The following RPA1 variants were observed in gnomAD, a reference collection of about 807,000 sequenced individuals.
RPA1 encodes replication protein A1, also known as replication protein A 70 kDa DNA-binding subunit.
RPA1 carries 49 observed loss-of-function variants against 83.0 expected under a neutral mutation model. The ratio of observed to expected loss-of-function variants is 0.59; its 90% CI spans 0.47 to 0.75. The LOEUF is 0.75. Among genes scored for constraint, RPA1 ranks in the 30% least tolerant of loss-of-function variants. The pLI is 0.00. For synonymous variants in RPA1, 279 were observed against 281.8 expected (o/e 0.99, Z 0.10); for missense variants, 693 against 776.1 (o/e 0.89, Z 1.27).
intron 2 of RPA1, 60 bp from the exon 3 acceptor site, chr17:1,843,860 T>G (rs17338579): frequency 0.014 from 20,227 of 1,438,866 alleles, 252 homozygotes; most frequent in South Asian, 0.037. Context: ...CCACTTCGGT[T>G]TACGTATCCC....
intron 4 of RPA1, among the ~76,000 whole-genome samples, chr17:1,845,190 GTGTGTA>G (rs1157423344): frequency 1.8e-4 from 26 of 146,406 alleles, no homozygotes; most frequent in African/African-American, 5.7e-4. Flanking sequence ...GTGTGTGTGT[GTGTGTA>G]CAATCTTGAA....
chr17:1,860,038 C>T (rs1423627163), intron 5 of RPA1, among the ~76,000 whole-genome samples: 3 of 152,208 alleles, frequency 2.0e-5, no homozygotes, highest in African/African-American at 4.8e-5. Flanking sequence ...GTCTCCATCT[C>T]TTGACGTCAT....
At chr17:1,888,900 T>C in intron 14 of RPA1, 49 bp downstream of exon 14, 2 of 1,571,314 alleles carry the variant, frequency 1.3e-6, no homozygotes, top group Admixed American at 3.4e-5. Context: ...ACGGAGGCCC[T>C]CCCGTGTGCC....
rs17292552 is a variant in RPA1, at chr17:1,897,210, T to TAAAG, written c.*36_*37insAAGA. 4.0e-4 allele frequency: 583 copies of TAAAG among 1,459,632 alleles called. 3 individuals are homozygous for TAAAG. In the African/African-American group the frequency reaches 6.5e-3, roughly 16 times the overall value. The allele number at this position is 1,459,632 out of a possible 1,614,324, so 90.4% of individuals were successfully genotyped here. A position where few individuals can be genotyped will look rare whatever the true frequency, so the allele number is the denominator to read the frequency against. ...TGCCAATCGGGCAGAAGTTTGCAAA[T>TAAAG]AGGCAGAATGGAATCGATTTCCTCC... On this transcript the variant is annotated 3_prime_UTR_variant, in exon 17 of 17. Coordinates refer to ENST00000254719, the MANE Select transcript of RPA1 (RefSeq NM_002945.5).
chr17:1,879,093 G>C (rs373717208), intron 9 of RPA1, 32 bp downstream of exon 9: 3 of 1,613,042 alleles, frequency 1.9e-6, no homozygotes, highest in Non-Finnish European at 2.5e-6. Flanking sequence ...AACTGACACC[G>C]CCTGGGGGTG....
In RPA1 at chr17:1,830,005, C is replaced by A; in HGVS notation, c.-89C>A. 1 of 1,213,032 alleles carries A rather than the reference C, an allele frequency of 8.2e-7. No individual in the cohort carries two copies. 75.1% of individuals were successfully genotyped at this position (1,213,032 alleles called of 1,614,324 possible). Reference sequence around the variant, plus strand: ...GGGGCGGGAGCGGTGCGCGCAACTTCTCGGGCCAATAACTGCGCAGCGCGC... The same window carrying A: ...GGGGCGGGAGCGGTGCGCGCAACTTATCGGGCCAATAACTGCGCAGCGCGC... On this transcript the variant is annotated 5_prime_UTR_variant, in exon 1 of 17. Transcript: ENST00000254719.
Position 1,899,573 on chromosome 17 carries a change from T to C in RPA1, c.*2398T>C, listed in dbSNP as rs1914573430. 1 of 152,216 alleles carries C rather than the reference T, an allele frequency of 6.6e-6. No individual in the cohort carries two copies. The highest frequency in any genetic ancestry group is 2.4e-5 in the African/African-American group (1 of 41,440). The allele number at this position is 152,216 out of a possible 1,614,324, so 9.4% of individuals were successfully genotyped here. ...AATCTCTCGCGTGCTGTTCCTTTTT[T>C]GAACTGCAGGGTCAAAAATGTTCCC... On this transcript the variant is annotated 3_prime_UTR_variant, in exon 17 of 17. Coordinates refer to ENST00000254719, the MANE Select transcript of RPA1 (RefSeq NM_002945.5).
rs111555759 is a variant in RPA1, at chr17:1,885,770, A to G, written c.1374+1826A>G. Among the ~76,000 whole-genome samples the G allele has an allele frequency of 2.8e-3, 426 of 152,268 alleles. 2 individuals carry two copies. The highest frequency in any genetic ancestry group is 9.7e-3 in the African/African-American group (404 of 41,556). On this transcript the variant is annotated intron_variant, in intron 13 of 16. Transcript: ENST00000254719. ...TTCTTAATAGCATCTAGAATGGTGA[A>G]TCCTTTTCAGGTTTTCAATTTACTT...
chr17:1,857,997 T>C (rs1912777120), intron 5 of RPA1: 1 of 1,597,600 alleles, frequency 6.3e-7, no homozygotes, highest in Admixed American at 1.7e-5. Flanking sequence ...GATGGGTGAA[T>C]GTAATAATGT....
intron 13 of RPA1, among the ~76,000 whole-genome samples, chr17:1,885,781 G>A (rs145427331): frequency 3.2e-4 from 49 of 152,184 alleles, no homozygotes; most frequent in South Asian, 1.0e-3. Context: ...TCCTTTTCAG[G>A]TTTTCAATTT....
intron 1 of RPA1, among the ~76,000 whole-genome samples, chr17:1,837,259 A>G (rs374183539): frequency 9.2e-5 from 14 of 152,232 alleles, no homozygotes; most frequent in African/African-American, 3.4e-4. Flanking sequence ...ACAAGCCACC[A>G]CTGTGGACCA....
chr17:1,830,893 G>A (rs1403557364), intron 1 of RPA1, among the ~76,000 whole-genome samples: 1 of 151,796 alleles, frequency 6.6e-6, no homozygotes, highest in Non-Finnish European at 1.5e-5. Flanking sequence ...AGCCTCCCGA[G>A]TAGCTGGGAC....
At position 1,875,670 on chromosome 17, in the gene RPA1, T is replaced by C. The variant is rs752573944; in HGVS notation, c.464T>C (p.Val155Ala). 2.5e-6 allele frequency: 4 copies of C among 1,612,894 alleles called. No individual in the cohort carries two copies. Among genetic ancestry groups the C allele is most frequent in the Non-Finnish European group, 3.4e-6 (4 of 1,179,592 alleles). The part of the protein sequence containing the change: ...QNGSSGMGST[V>A]SKAYGASKTF... ...GCGTTTGTTTTTAAAGGTTCTACTG[T>C]TTCTAAGGCTTATGGTGCTTCAAAG... The change falls in exon 7 of 17, where the codon GTT (valine) becomes GCT (alanine). Residue 155 changes from valine (V) to alanine (A), a missense_variant. Physicochemically the swap from Val to Ala is moderately conservative, Grantham distance 64. Coordinates refer to ENST00000254719, the MANE Select transcript of RPA1 (RefSeq NM_002945.5).
Position 1,844,597 on chromosome 17 carries a change from G to A in RPA1, c.183G>A (p.Gln61=). The change falls in exon 4 of 17, where the codon CAG becomes CAA. Residue 61 remains glutamine (Q), a synonymous_variant. Transcript: ENST00000254719. Reference sequence around the variant, plus strand: ...TTTCAGCTTTCATGTTGGCGACACAGTTGAACCCTCTCGTGGAGGAAGAAC... The same window carrying A: ...TTTCAGCTTTCATGTTGGCGACACAATTGAACCCTCTCGTGGAGGAAGAAC... ...NTLSSFMLAT[Q]LNPLVEEEQL... The A allele has an allele frequency of 6.2e-7, 1 of 1,613,436 alleles. No homozygotes were observed. Among genetic ancestry groups the A allele is most frequent in the Non-Finnish European group, 8.5e-7 (1 of 1,179,774 alleles).
At position 1,900,074 on chromosome 17, in the gene RPA1, A is replaced by AC. The variant is rs1914593366; in HGVS notation, c.*2899_*2900insC. 6.7e-6 allele frequency: 1 copy of AC among 150,040 alleles called. No individual in the cohort carries two copies. Among genetic ancestry groups the AC allele is most frequent in the African/African-American group, 2.4e-5 (1 of 40,844 alleles). The allele number at this position is 150,040 out of a possible 1,614,324, so 9.3% of individuals were successfully genotyped here. On this transcript the variant is annotated 3_prime_UTR_variant, in exon 17 of 17. Coordinates refer to ENST00000254719, the MANE Select transcript of RPA1 (RefSeq NM_002945.5). ...ATTCAAAAAAACTGGTATTTTTGTT[A>AC]TTAAGACATTAAGTAAATGTTTAAG...
chr17:1,892,155 C>T (rs900554256), intron 15 of RPA1, among the ~76,000 whole-genome samples: 8 of 152,150 alleles, frequency 5.3e-5, no homozygotes, highest in Non-Finnish European at 8.8e-5. Flanking sequence ...GACAGGCACC[C>T]GCCACGATGC....
intron 15 of RPA1, among the ~76,000 whole-genome samples, chr17:1,892,227 G>A (rs1238344363): frequency 1.3e-5 from 2 of 152,028 alleles, no homozygotes; most frequent in African/African-American, 4.8e-5. Flanking sequence ...GGCTGGTCTC[G>A]AACTCCTGAC....
chr17:1,839,788 G>GTTTTTTT (rs71150821), intron 1 of RPA1, among the ~76,000 whole-genome samples: 3 of 68,950 alleles, frequency 4.4e-5, no homozygotes, highest in African/African-American at 1.5e-4. Flanking sequence ...CGCCCAGCTA[G>GTTTTTTT]TTTTTTTTTT....
chr17:1,835,530 A>G (rs1291737793), intron 1 of RPA1, among the ~76,000 whole-genome samples: 1 of 152,006 alleles, frequency 6.6e-6, no homozygotes, highest in Non-Finnish European at 1.5e-5. Flanking sequence ...CTTTTCTTTC[A>G]TAAGTGATCT....
Sources: allele counts gnomAD v4.1 joint callset (sites outside exome capture counted in the v4.1 genomes callset), GRCh38; gene constraint gnomAD v4.1.1; transcripts MANE v1.5; gene names NCBI Gene and HGNC (gene_info 2026-07-23, HGNC 2026-07-21).